Variants in SBF2 observed in about 807,000 individuals in gnomAD.
SBF2 encodes myotubularin-related protein 13.
A neutral mutation model predicts 225.2 loss-of-function variants in SBF2; 112 were observed. That is an observed-to-expected ratio of 0.50 (90% CI 0.43 to 0.58). SBF2 has a LOEUF of 0.58. Among genes scored for constraint, SBF2 ranks in the 20% least tolerant of loss-of-function variants. The pLI, the probability that SBF2 is intolerant of heterozygous loss-of-function variation, is 0.00. For missense variants in SBF2, 1,996 were observed against 2,206.2 expected (o/e 0.90, Z 1.91); for synonymous variants, 763 against 773.3 (o/e 0.99, Z 0.22).
chr11:10,127,197 G>A (rs1318186269), intron 2 of SBF2, among the ~76,000 whole-genome samples: 1 of 152,072 alleles, frequency 6.6e-6, no homozygotes, highest in African/African-American at 2.4e-5. Flanking sequence ...CATTTTATGT[G>A]TATGCATATT....
Position 9,855,956 on chromosome 11 carries a change from T to C in SBF2, c.2363+502A>G, listed in dbSNP as rs1393381118. On this transcript the variant is annotated intron_variant, in intron 19 of 39. Coordinates refer to ENST00000256190, the MANE Select transcript of SBF2 (RefSeq NM_030962.4). ...TGGTTGACAGAAGAGTGATAGGAAA[T>C]AGGGGGTCAGAGCAGTAGCCAGAGG... is the stretch of plus-strand genomic sequence containing the variant. Among the ~76,000 whole-genome samples, 3 of 152,196 alleles carry C rather than the reference T, an allele frequency of 2.0e-5. No homozygotes were observed. The East Asian group carries it at 5.8e-4, about 29-fold the overall frequency.
chr11:10,249,525 A>G (rs1960144440), intron 1 of SBF2, among the ~76,000 whole-genome samples: 1 of 152,148 alleles, frequency 6.6e-6, no homozygotes, highest in Admixed American at 6.5e-5. Flanking sequence ...ATGAGTAAAC[A>G]TTGTTGCCTT....
intron 32 of SBF2, among the ~76,000 whole-genome samples, chr11:9,805,017 G>T (rs781645934): frequency 2.0e-5 from 3 of 152,162 alleles, no homozygotes; most frequent in African/African-American, 4.8e-5. Context: ...GGCCAAGGCA[G>T]ATAGATCACC....
At chr11:9,840,263 A>C (rs1249413885) in intron 25 of SBF2, among the ~76,000 whole-genome samples, 2 of 152,120 alleles carry the variant, frequency 1.3e-5, no homozygotes, top group African/African-American at 2.4e-5. Context: ...AAAAAAAAAA[A>C]AAAACAAACC....
At chr11:10,074,253 G>C (rs778030500) in intron 2 of SBF2, among the ~76,000 whole-genome samples, 1 of 152,038 alleles carries the variant, frequency 6.6e-6, no homozygotes, top group Non-Finnish European at 1.5e-5. Context: ...TTTTTAACAA[G>C]AAAACCAAGA....
At chr11:10,292,939 G>A (rs1183001948) in intron 1 of SBF2, among the ~76,000 whole-genome samples, 2 of 152,176 alleles carry the variant, frequency 1.3e-5, no homozygotes, top group African/African-American at 4.8e-5. Flanking sequence ...TAAAGGAGAG[G>A]AAGTTCTTAG....
At chr11:10,186,064 A>G (rs1307805532) in intron 2 of SBF2, among the ~76,000 whole-genome samples, 1 of 152,240 alleles carries the variant, frequency 6.6e-6, no homozygotes, top group Non-Finnish European at 1.5e-5. Flanking sequence ...TTAATCTTCC[A>G]GGCTATTTGT....
chr11:9,781,667 T>C (rs778133578), intron 38 of SBF2, 29 bp from the exon 39 acceptor site: 1 of 1,613,944 alleles, frequency 6.2e-7, no homozygotes, highest in South Asian at 1.1e-5. Flanking sequence ...AAGTGAGATA[T>C]AAGAGACAGA....
chr11:9,956,147 A>G (rs1013442383), intron 16 of SBF2, among the ~76,000 whole-genome samples: 3 of 152,314 alleles, frequency 2.0e-5, no homozygotes, highest in African/African-American at 4.8e-5. Flanking sequence ...GTAAGAAGAT[A>G]TAAGTTATCC....
At chr11:10,220,809 T>C (rs1395187028) in intron 1 of SBF2, among the ~76,000 whole-genome samples, 2 of 152,128 alleles carry the variant, frequency 1.3e-5, no homozygotes, top group Admixed American at 1.3e-4. Context: ...CCACCAAAAC[T>C]ACTTGCAATT....
At chr11:10,069,224 T>A (rs562081599) in intron 2 of SBF2, among the ~76,000 whole-genome samples, 1 of 152,284 alleles carries the variant, frequency 6.6e-6, no homozygotes, top group South Asian at 2.1e-4. Flanking sequence ...GCAGGTTTGT[T>A]ACATAGGTAT....
chr11:9,809,029 T>C, intron 30 of SBF2, 27 bp from the exon 31 acceptor site: 1 of 1,568,762 alleles, frequency 6.4e-7, no homozygotes, highest in Non-Finnish European at 8.8e-7. Flanking sequence ...AGAACACAAT[T>C]AGACCAAGCG....
intron 1 of SBF2, among the ~76,000 whole-genome samples, chr11:10,289,139 G>A (rs1191831209): frequency 1.3e-5 from 2 of 152,242 alleles, no homozygotes; most frequent in Non-Finnish European, 2.9e-5. Context: ...CACACCCGGG[G>A]GCGCTGTGAC....
In SBF2 at chr11:9,852,697, T is replaced by C. The variant is rs1267443704; in HGVS notation, c.2589A>G (p.Arg863=). 1.9e-6 allele frequency: 3 copies of C among 1,613,154 alleles called. No homozygotes were observed. The African/African-American group carries it at 4.0e-5, about 22-fold the overall frequency. ...TTACCTTCTGAATAGGCGGAAGTCT[T>C]CTGCTTTCTCGATGTACTGCTTCTA... ...ETLEAVHRES[R]RLPPIQKPKI... The change falls in exon 21 of 40, where the codon AGA becomes AGG. Residue 863 remains arginine (R), a synonymous_variant. Transcript: ENST00000256190.
At chr11:10,227,158 T>C (rs1958604569) in intron 1 of SBF2, among the ~76,000 whole-genome samples, 1 of 152,220 alleles carries the variant, frequency 6.6e-6, no homozygotes, top group South Asian at 2.1e-4. Flanking sequence ...CTTTGCCCGC[T>C]TTTTGATGGG....
In SBF2 at chr11:10,132,333, T is replaced by C. The variant is rs535430730; in HGVS notation, c.141+61569A>G. Among the ~76,000 whole-genome samples the C allele has an allele frequency of 2.8e-4, 43 of 152,234 alleles. 1 individual carries two copies. In the East Asian group the frequency reaches 8.3e-3, roughly 29 times the overall value. On this transcript the variant is annotated intron_variant, in intron 2 of 39. Coordinates refer to ENST00000256190, the MANE Select transcript of SBF2 (RefSeq NM_030962.4). ...ACAGGGGTCCTAATGTGTCCAGAAT[T>C]GGTGGGTTCTTGGTCTCACTGACTT...
At chr11:9,831,311 C>G (rs1280257853) in intron 27 of SBF2, among the ~76,000 whole-genome samples, 3 of 152,184 alleles carry the variant, frequency 2.0e-5, no homozygotes, top group African/African-American at 7.2e-5. Context: ...TTCTTATGTT[C>G]TAACATACCC....
intron 16 of SBF2, among the ~76,000 whole-genome samples, chr11:9,908,740 C>G (rs1324777266): frequency 6.6e-6 from 1 of 152,060 alleles, no homozygotes; most frequent in African/African-American, 2.4e-5. Context: ...CTCTGTCCCC[C>G]AGGCTGAAGT....
At chr11:9,867,487 C>A (rs575876742) in intron 17 of SBF2, among the ~76,000 whole-genome samples, 1 of 152,080 alleles carries the variant, frequency 6.6e-6, no homozygotes, top group Admixed American at 6.5e-5. Context: ...TAGTGAGATT[C>A]CTTAAAAAAC....
Sources: gnomAD v4.1 joint callset for allele counts (sites outside exome capture counted in the v4.1 genomes callset) on GRCh38, gnomAD v4.1.1 for gene constraint, MANE v1.5 for transcripts, NCBI Gene and HGNC (gene_info 2026-07-23, HGNC 2026-07-21) for gene names.